Variants in KIF1B observed in about 807,000 individuals in gnomAD.
KIF1B encodes the protein kinesin-like protein KIF1B.
A neutral mutation model predicts 241.9 loss-of-function variants in KIF1B; 76 were observed. That is an observed-to-expected ratio of 0.31 (90% CI 0.26 to 0.38). KIF1B has a LOEUF of 0.38. Among genes scored for constraint, KIF1B ranks in the 10% least tolerant of loss-of-function variants. The pLI, the probability that KIF1B is intolerant of heterozygous loss-of-function variation, is 1.00. For synonymous variants in KIF1B, 750 were observed against 796.7 expected (o/e 0.94, Z 0.99); for missense variants, 1,622 against 2,271.4 (o/e 0.71, Z 5.81).
chr1:10,327,934 G>C (rs930792376), intron 27 of KIF1B, among the ~76,000 whole-genome samples: 2 of 152,174 alleles, frequency 1.3e-5, no homozygotes, highest in Non-Finnish European at 2.9e-5. Flanking sequence ...ACCAGGTGCA[G>C]TGGCTCACAC....
chr1:10,341,782 A>C (rs1005432035), intron 32 of KIF1B, among the ~76,000 whole-genome samples: 2 of 152,098 alleles, frequency 1.3e-5, no homozygotes, highest in Non-Finnish European at 2.9e-5. Flanking sequence ...CAGTCTGGGA[A>C]ACATAGTGAG....
rs190074982 is a variant in KIF1B at position 10,274,226 on chromosome 1, C to G, written c.882+1195C>G. Among the ~76,000 whole-genome samples the G allele has an allele frequency of 3.2e-4, 49 of 152,296 alleles. No individual in the cohort carries two copies. The East Asian group carries it at 9.1e-3, about 28-fold the overall frequency. ...GTACTGGGATTACAGGCATGAGCCACTGTGCCCGGCCTCCCCTTAATATCT... is the reference window on the plus strand; with the variant it reads ...GTACTGGGATTACAGGCATGAGCCAGTGTGCCCGGCCTCCCCTTAATATCT... On this transcript the variant is annotated intron_variant, in intron 10 of 48. Transcript: ENST00000676179.
intron 5 of KIF1B, among the ~76,000 whole-genome samples, chr1:10,263,990 G>A (rs951986577): frequency 3.9e-5 from 6 of 152,022 alleles, no homozygotes; most frequent in Non-Finnish European, 8.8e-5. Context: ...CTGAAATGTT[G>A]TTCACTTGGA....
At chr1:10,217,360 G>A (rs997026019) in intron 1 of KIF1B, among the ~76,000 whole-genome samples, 1 of 64,538 alleles carries the variant, frequency 1.5e-5, no homozygotes, top group Non-Finnish European at 3.3e-5. Flanking sequence ...TTTTTTTTTT[G>A]AGACAGCCTT....
chr1:10,372,979 AT>A (rs77889357), intron 45 of KIF1B, among the ~76,000 whole-genome samples: 39,146 of 144,744 alleles, frequency 0.27, 5,423 homozygotes, highest in Admixed American at 0.33. Context: ...ATGCCCAGCT[AT>A]TTTTTTTTTT....
chr1:10,244,892 A>G (rs1055266913), intron 2 of KIF1B, among the ~76,000 whole-genome samples: 42 of 145,586 alleles, frequency 2.9e-4, no homozygotes, highest in African/African-American at 3.3e-4. Context: ...GATTACAGGC[A>G]TGAGCCACCG....
chr1:10,347,664 A>T (rs1652634091), intron 35 of KIF1B, 97 bp from the exon 36 acceptor site: 1 of 962,702 alleles, frequency 1.0e-6, no homozygotes, highest in African/African-American at 1.6e-5. Flanking sequence ...GGTGAGAAAG[A>T]CATGGGATCA....
chr1:10,225,537 A>C (rs1251251520), intron 1 of KIF1B, among the ~76,000 whole-genome samples: 1 of 146,554 alleles, frequency 6.8e-6, no homozygotes, highest in Non-Finnish European at 1.6e-5. Context: ...GAAAAGTGTT[A>C]AATAGAGGAG....
At position 10,256,236 on chromosome 1, in the gene KIF1B, T is replaced by G. The variant is rs1647773753; in HGVS notation, c.107-11T>G. The stretch of plus-strand genomic sequence containing the variant: ...GAGTGACTTATAAAATGAAACATTT[T>G]TATCTTCTAGGTATTATTAACCCAA... On this transcript the variant is annotated splice_polypyrimidine_tract_variant and intron_variant, in intron 2 of 48. Coordinates refer to ENST00000676179, the MANE Select transcript of KIF1B (RefSeq NM_001365951.3). 1.3e-6 allele frequency: 2 copies of G among 1,561,642 alleles called. No homozygotes were observed. The highest frequency in any genetic ancestry group is 8.8e-7 in the Non-Finnish European group (1 of 1,132,302).
At chr1:10,368,360 C>T (rs1638633553) in intron 43 of KIF1B, 107 bp from the exon 44 acceptor site, 5 of 853,546 alleles carry the variant, frequency 5.9e-6, no homozygotes, top group South Asian at 4.0e-5. Context: ...CTTCCATGCC[C>T]TCCCCGGGAA....
At position 10,379,860 on chromosome 1, in the gene KIF1B, C is replaced by T; in HGVS notation, c.*3273C>T. 1 of 229,650 alleles carries T rather than the reference C, an allele frequency of 4.4e-6. No homozygotes were observed. The highest frequency in any genetic ancestry group is 8.6e-6 in the Non-Finnish European group (1 of 115,786). 14.2% of individuals were successfully genotyped at this position (229,650 alleles called of 1,614,324 possible). On this transcript the variant is annotated 3_prime_UTR_variant, in exon 49 of 49. Transcript: ENST00000676179. ...GCCAGGACTGTGCAGGGCCAGCCAG[C>T]CCATGCGCTAGTCAGGAGCACAGGC...
At chr1:10,315,550 A>G (rs1472789776) in intron 22 of KIF1B, among the ~76,000 whole-genome samples, 1 of 151,606 alleles carries the variant, frequency 6.6e-6, no homozygotes, top group Non-Finnish European at 1.5e-5. Flanking sequence ...ATATTATATC[A>G]TGTACAGTCC....
chr1:10,378,134 T>G lies in KIF1B; in HGVS notation c.*1547T>G. On this transcript the variant is annotated 3_prime_UTR_variant, in exon 49 of 49. Transcript: ENST00000676179. ...CATAAATAAGCAAATGTGGCAGGCT[T>G]TGCTTTCTGGATCCCAGGATTAAAA... The G allele has an allele frequency of 1.7e-6, 1 of 586,978 alleles. No individual in the cohort carries two copies. Among genetic ancestry groups the G allele is most frequent in the Non-Finnish European group, 3.0e-6 (1 of 329,834 alleles). 36.4% of individuals were successfully genotyped at this position (586,978 alleles called of 1,614,324 possible). A position where few individuals can be genotyped will look rare whatever the true frequency, so the allele number is the denominator to read the frequency against.
At position 10,353,048 on chromosome 1, in the gene KIF1B, C is replaced by T. The variant is rs1239779892; in HGVS notation, c.4055+312C>T. 2.0e-5 allele frequency among the ~76,000 whole-genome samples: 3 copies of T among 152,138 alleles called. No homozygotes were observed. In the South Asian group the frequency reaches 6.2e-4, roughly 32 times the overall value. On this transcript the variant is annotated intron_variant, in intron 38 of 48. Coordinates refer to ENST00000676179, the MANE Select transcript of KIF1B (RefSeq NM_001365951.3). ...TGGAGAAAGAAAACAGTATATTCCC[C>T]AAGGATTTAAAAGTACGAATTAATT...
At chr1:10,312,470 C>T (rs1298246674) in intron 22 of KIF1B, among the ~76,000 whole-genome samples, 1 of 151,416 alleles carries the variant, frequency 6.6e-6, no homozygotes, top group Non-Finnish European at 1.5e-5. Context: ...CTAAACCATC[C>T]AGCAGTTTCC....
At chr1:10,305,413 A>G (rs1650780419) in intron 22 of KIF1B, 39 of 1,054,926 alleles carry the variant, frequency 3.7e-5, no homozygotes, top group Non-Finnish European at 4.5e-5. Context: ...CATTTGACAC[A>G]CATGCACACA....
At chr1:10,313,396 GA>G (rs1313061914) in intron 22 of KIF1B, among the ~76,000 whole-genome samples, 1 of 151,062 alleles carries the variant, frequency 6.6e-6, no homozygotes, top group Non-Finnish European at 1.5e-5. Context: ...TTATTGAGAA[GA>G]TTGTAATAAT....
intron 2 of KIF1B, among the ~76,000 whole-genome samples, chr1:10,250,829 A>G (rs1054406162): frequency 6.6e-6 from 1 of 152,020 alleles, no homozygotes; most frequent in African/African-American, 2.4e-5. Flanking sequence ...CTGTCTGGGG[A>G]AAACAAATGG....
chr1:10,367,501 C>G (rs1405351279), intron 43 of KIF1B, among the ~76,000 whole-genome samples: 1 of 151,358 alleles, frequency 6.6e-6, no homozygotes, highest in East Asian at 2.0e-4. Flanking sequence ...CAAGAGATCA[C>G]TATGATGTTT....
Sources: gnomAD v4.1 joint callset for allele counts (sites outside exome capture counted in the v4.1 genomes callset) on GRCh38, gnomAD v4.1.1 for gene constraint, MANE v1.5 for transcripts, NCBI Gene and HGNC (gene_info 2026-07-23, HGNC 2026-07-21) for gene names.